FBN1: variants seen among roughly 807,000 people sequenced by gnomAD.
FBN1 encodes the protein fibrillin-1.
FBN1 carries 29 observed loss-of-function variants against 365.1 expected under a neutral mutation model. That is an observed-to-expected ratio of 0.08 (90% CI 0.06 to 0.11). FBN1 has a LOEUF of 0.11. Among genes scored for constraint, FBN1 ranks in the 10% least tolerant of loss-of-function variants. FBN1 has a pLI of 1.00. For synonymous variants in FBN1, 1,210 were observed against 1,270.5 expected, an observed-to-expected ratio of 0.95 and a Z score of 1.01; for missense variants, 2,476 against 3,703.2, an observed-to-expected ratio of 0.67 and a Z score of 8.60.
At chr15:48,511,860 G>A (rs547522008) in intron 13 of FBN1, among the ~76,000 whole-genome samples, 9 of 152,178 alleles carry the variant, frequency 5.9e-5, no homozygotes, top group African/African-American at 2.2e-4. Context: ...CCCCAGCTGA[G>A]TGCTCTCAAT....
At chr15:48,428,591 TCTC>T (rs1282799483) in intron 56 of FBN1, 120 bp from the exon 57 acceptor site, 3 of 1,092,618 alleles carry the variant, frequency 2.7e-6, no homozygotes. Flanking sequence ...TTTGTTCCTT[TCTC>T]CTTTCCTTCC....
At chr15:48,562,101 G>A (rs1446148678) in intron 6 of FBN1, among the ~76,000 whole-genome samples, 1 of 152,140 alleles carries the variant, frequency 6.6e-6, no homozygotes, top group Non-Finnish European at 1.5e-5. Context: ...GATGTTAGAA[G>A]AATGGAATCA....
chr15:48,577,096 T>C (rs904504524), intron 6 of FBN1, among the ~76,000 whole-genome samples: 3 of 152,188 alleles, frequency 2.0e-5, no homozygotes, highest in East Asian at 1.9e-4. Flanking sequence ...CCAACATCAA[T>C]TGGACTATAA....
At chr15:48,538,063 C>T (rs1305311524) in intron 6 of FBN1, among the ~76,000 whole-genome samples, 1 of 152,200 alleles carries the variant, frequency 6.6e-6, no homozygotes, top group African/African-American at 2.4e-5. Flanking sequence ...ATCAGGCGAG[C>T]TAATGGAAAA....
rs772526144 is a variant in FBN1 at position 48,468,464 on chromosome 15, G to A, written c.4530C>T (p.Ile1510=). Residue 1510 remains isoleucine, a synonymous_variant, in exon 37 of 66, where the codon ATC becomes ATT. Coordinates refer to ENST00000316623, the MANE Select transcript of FBN1 (RefSeq NM_000138.5). Reference sequence around the variant, plus strand: ...GTTCAAAATCAGGTGGGCAGTCACAGATATAGCTGCCTGGAGTGTTGACAC... The same window carrying A: ...GTTCAAAATCAGGTGGGCAGTCACAAATATAGCTGCCTGGAGTGTTGACAC... The part of the protein sequence containing the change: ...GNCVNTPGSY[I]CDCPPDFELN... 9.3e-6 allele frequency: 15 copies of A among 1,614,014 alleles called. No homozygotes were observed. The East Asian group carries it at 3.3e-4, about 36-fold the overall frequency.
chr15:48,471,771 C>T lies in FBN1; in HGVS notation c.4336+780G>A, dbSNP rs890902677. On this transcript the variant is annotated intron_variant, in intron 35 of 65. Transcript: ENST00000316623. ...TCTTGTTTAAACTTCTACTGACAAT[C>T]GTTATCATTTGTTTATTTCTACTGA... Among the ~76,000 whole-genome samples the T allele has an allele frequency of 3.9e-5, 6 of 152,294 alleles. No individual in the cohort carries two copies. In the East Asian group the frequency reaches 1.2e-3, roughly 29 times the overall value.
intron 6 of FBN1, among the ~76,000 whole-genome samples, chr15:48,561,097 C>T (rs1285049555): frequency 1.3e-5 from 2 of 152,072 alleles, no homozygotes; most frequent in African/African-American, 4.8e-5. Flanking sequence ...CACCCAAAAC[C>T]CCAGTGATGA....
intron 5 of FBN1, 64 bp from the exon 6 acceptor site, chr15:48,596,442 G>A: frequency 6.9e-7 from 1 of 1,452,750 alleles, no homozygotes; most frequent in Non-Finnish European, 9.7e-7. Context: ...AGTAACACTT[G>A]TGGTCCTCTG....
intron 6 of FBN1, among the ~76,000 whole-genome samples, chr15:48,552,312 G>A (rs951760129): frequency 3.5e-5 from 5 of 144,502 alleles, no homozygotes; most frequent in East Asian, 2.0e-4. Context: ...TCATTGTGTC[G>A]CCCTAGCTAG....
chr15:48,414,894 TAAA>T (rs11299662), intron 64 of FBN1, among the ~76,000 whole-genome samples: 39 of 137,070 alleles, frequency 2.8e-4, no homozygotes, highest in Admixed American at 2.9e-4. Flanking sequence ...AGACTCCGTC[TAAA>T]AAAAAAAAAA....
At chr15:48,413,466 G>A (rs913862761) in intron 64 of FBN1, among the ~76,000 whole-genome samples, 4 of 152,190 alleles carry the variant, frequency 2.6e-5, no homozygotes, top group South Asian at 2.1e-4. Context: ...GAGAGAACTC[G>A]TTCAGCTGTT....
intron 15 of FBN1, among the ~76,000 whole-genome samples, chr15:48,507,968 T>C (rs2043724993): frequency 6.6e-6 from 1 of 152,076 alleles, no homozygotes. Flanking sequence ...TTTGCTTCGA[T>C]ACCTGGGGCA....
intron 2 of FBN1, among the ~76,000 whole-genome samples, chr15:48,630,454 C>G (rs956694636): frequency 3.3e-5 from 5 of 152,158 alleles, no homozygotes; most frequent in Admixed American, 2.0e-4. Context: ...GCAGATGAGT[C>G]AGTCTGCAGT....
chr15:48,422,207 G>A, intron 60 of FBN1, 139 bp from the exon 61 acceptor site: 1 of 702,660 alleles, frequency 1.4e-6, no homozygotes, highest in Admixed American at 2.0e-5. Flanking sequence ...CAAAAGGCAA[G>A]GAGAGACACA....
chr15:48,414,894 T>TC (rs2042889770), intron 64 of FBN1, among the ~76,000 whole-genome samples: 1 of 137,142 alleles, frequency 7.3e-6, no homozygotes, highest in South Asian at 2.4e-4. Context: ...AGACTCCGTC[T>TC]AAAAAAAAAA....
intron 6 of FBN1, among the ~76,000 whole-genome samples, chr15:48,546,217 A>C (rs57186833): frequency 0.017 from 2,532 of 152,300 alleles, 53 homozygotes; most frequent in African/African-American, 0.053. Flanking sequence ...TGGAGTTTGC[A>C]ATCTTGTGGA....
At chr15:48,560,459 T>C (rs1324092705) in intron 6 of FBN1, among the ~76,000 whole-genome samples, 3 of 152,170 alleles carry the variant, frequency 2.0e-5, no homozygotes, top group Non-Finnish European at 2.9e-5. Context: ...CAAAGAGCAG[T>C]TGCTAGTATC....
chr15:48,628,129 C>T (rs1470531009), intron 2 of FBN1, among the ~76,000 whole-genome samples: 1 of 152,090 alleles, frequency 6.6e-6, no homozygotes. Flanking sequence ...GGGTGATGTG[C>T]CTGGCACACA....
In FBN1 at chr15:48,463,077, C is replaced by A. The variant is rs1434433558; in HGVS notation, c.5224+5G>T. 1.2e-6 allele frequency: 2 copies of A among 1,613,224 alleles called. No individual in the cohort carries two copies. The highest frequency in any genetic ancestry group is 1.7e-6 in the Non-Finnish European group (2 of 1,179,478). ...ATTTTTGATAATGGAGAAACTAAAA[C>A]TCACCTGTACTTGGGATGGGACACT... On this transcript the variant is annotated splice_donor_5th_base_variant and intron_variant, in intron 42 of 65. Transcript: ENST00000316623.
Sources: allele counts gnomAD v4.1 joint callset (sites outside exome capture counted in the v4.1 genomes callset), GRCh38; gene constraint gnomAD v4.1.1; transcripts MANE v1.5; gene names NCBI Gene and HGNC (gene_info 2026-07-23, HGNC 2026-07-21).